The following RBFOX1 variants were observed in gnomAD, a reference collection of about 807,000 sequenced individuals.
RBFOX1 encodes the protein RNA binding fox-1 homolog 1.
Under a neutral mutation model 57.7 loss-of-function variants are expected in RBFOX1, and 8 were observed. The observed-to-expected ratio is 0.14, with a 90% confidence interval of 0.08 to 0.25. The LOEUF (loss-of-function observed/expected upper bound fraction) is 0.25, where lower values mean the gene tolerates loss of function less well. Among genes scored for constraint, RBFOX1 ranks in the 10% least tolerant of loss-of-function variants. The pLI is 1.00. For missense variants in RBFOX1, 611 were observed against 548.5 expected, an observed-to-expected ratio of 1.11 and a Z score of -1.14; for synonymous variants, 326 against 222.4, an observed-to-expected ratio of 1.47 and a Z score of -4.15.
chr16:7,337,780 G>A (rs897120100), intron 4 of RBFOX1, among the ~76,000 whole-genome samples: 1 of 152,098 alleles, frequency 6.6e-6, no homozygotes, highest in Admixed American at 6.6e-5. Flanking sequence ...CACCTCCCAG[G>A]TTCAAGCGAT....
intron 3 of RBFOX1, among the ~76,000 whole-genome samples, chr16:6,668,714 CTT>C (rs2098747245): frequency 6.6e-6 from 1 of 151,968 alleles, no homozygotes; most frequent in African/African-American, 2.4e-5. Flanking sequence ...TTTGTCATCT[CTT>C]TGAAATTTTG....
intron 1 of RBFOX1, among the ~76,000 whole-genome samples, chr16:6,255,794 A>G (rs2097657535): frequency 6.6e-6 from 1 of 152,122 alleles, no homozygotes; most frequent in African/African-American, 2.4e-5. Context: ...CACAGGAACA[A>G]AAAACGAAAC....
At position 5,278,340 on chromosome 16, in the gene RBFOX1, G is replaced by A. The variant is rs150009477; in HGVS notation, c.219+38235G>A. 6.8e-3 allele frequency among the ~76,000 whole-genome samples: 1,040 copies of A among 152,182 alleles called. 14 individuals are homozygous for A. The highest frequency in any genetic ancestry group is 0.024 in the African/African-American group (992 of 41,504). On this transcript the variant is annotated intron_variant, in intron 1 of 2. Coordinates refer to the RBFOX1 transcript ENST00000585867. ...CTATTTTTTGATAGTTTCTTTTGCT[G>A]TGCAGAAGCTCTTTCATTTAATTAG... is the stretch of plus-strand genomic sequence containing the variant.
At chr16:7,019,879 T>G (rs1374036584) in intron 3 of RBFOX1, among the ~76,000 whole-genome samples, 3 of 152,210 alleles carry the variant, frequency 2.0e-5, no homozygotes, top group African/African-American at 7.2e-5. Context: ...ACTGACATTT[T>G]TGCGTGTGTT....
At chr16:7,112,761 G>C (rs2065076770) in intron 4 of RBFOX1, among the ~76,000 whole-genome samples, 1 of 151,342 alleles carries the variant, frequency 6.6e-6, no homozygotes, top group African/African-American at 2.4e-5. Context: ...CAAGACTCAG[G>C]TTTGAGCTTC....
chr16:6,972,228 T>C (rs2085730443), intron 3 of RBFOX1, among the ~76,000 whole-genome samples: 1 of 152,106 alleles, frequency 6.6e-6, no homozygotes, highest in African/African-American at 2.4e-5. Context: ...AAACTCTGTA[T>C]CTATTAACTC....
intron 3 of RBFOX1, among the ~76,000 whole-genome samples, chr16:5,608,333 C>A (rs2047660369): frequency 6.6e-6 from 1 of 152,154 alleles, no homozygotes; most frequent in South Asian, 2.1e-4. Flanking sequence ...GCCGTCTGAG[C>A]AGTCATAGCA....
At chr16:7,368,863 C>G (rs965271738) in intron 4 of RBFOX1, among the ~76,000 whole-genome samples, 3 of 151,904 alleles carry the variant, frequency 2.0e-5, no homozygotes, top group Non-Finnish European at 2.9e-5. Context: ...GCAAGCCAGA[C>G]AGTTATCTTC....
At chr16:7,183,992 A>G (rs2083235750) in intron 4 of RBFOX1, among the ~76,000 whole-genome samples, 1 of 152,184 alleles carries the variant, frequency 6.6e-6, no homozygotes, top group African/African-American at 2.4e-5. Flanking sequence ...AAATAGGATG[A>G]TGTGAACTGA....
chr16:5,402,855 A>G (rs906476211), intron 1 of RBFOX1, among the ~76,000 whole-genome samples: 1 of 152,094 alleles, frequency 6.6e-6, no homozygotes, highest in Non-Finnish European at 1.5e-5. Flanking sequence ...TCCAATATAG[A>G]TATATTAAGT....
chr16:6,888,774 C>A (rs1427862071), intron 3 of RBFOX1, among the ~76,000 whole-genome samples: 1 of 152,100 alleles, frequency 6.6e-6, no homozygotes, highest in East Asian at 1.9e-4. Context: ...AAAAGATTAA[C>A]CGAAGAATTT....
intron 3 of RBFOX1, among the ~76,000 whole-genome samples, chr16:5,730,889 C>T (rs1267607794): frequency 1.3e-5 from 2 of 151,996 alleles, no homozygotes; most frequent in African/African-American, 2.4e-5. Flanking sequence ...TTATCATTGC[C>T]ACTGTCATCA....
At position 7,193,302 on chromosome 16, in the gene RBFOX1, G is replaced by A. The variant is rs148280598; in HGVS notation, c.27+141204G>A. On this transcript the variant is annotated intron_variant, in intron 4 of 15. Transcript: ENST00000550418. ...AGCCATGAGCCAAAAGCAGCAGGCT[G>A]CCGCTAGAGTCTAGAAAAGGCAAGA... is the stretch of plus-strand genomic sequence containing the variant. Among the ~76,000 whole-genome samples, 431 of 152,310 alleles carry A rather than the reference G, an allele frequency of 2.8e-3. 2 individuals are homozygous for A. Among genetic ancestry groups the A allele is most frequent in the African/African-American group, 8.2e-3 (340 of 41,578 alleles).
At chr16:6,626,821 C>T (rs931075442) in intron 2 of RBFOX1, among the ~76,000 whole-genome samples, 2 of 152,172 alleles carry the variant, frequency 1.3e-5, no homozygotes, top group Non-Finnish European at 2.9e-5. Context: ...AGTTTATCAC[C>T]AGTGAGGCTG....
intron 1 of RBFOX1, among the ~76,000 whole-genome samples, chr16:5,319,838 C>T (rs139986166): frequency 6.6e-6 from 1 of 152,302 alleles, no homozygotes; most frequent in Admixed American, 6.5e-5. Flanking sequence ...AACTCTGTGA[C>T]TACATCATGC....
intron 3 of RBFOX1, among the ~76,000 whole-genome samples, chr16:6,699,236 C>T (rs1301224384): frequency 3.3e-5 from 5 of 151,858 alleles, no homozygotes; most frequent in African/African-American, 9.7e-5. Flanking sequence ...CCACCTTAGC[C>T]TTGAACTCTC....
intron 3 of RBFOX1, among the ~76,000 whole-genome samples, chr16:5,668,100 G>A (rs544830010): frequency 3.3e-5 from 5 of 152,010 alleles, no homozygotes; most frequent in East Asian, 1.9e-4. Context: ...GATCAATATC[G>A]TGAAACTCTG....
chr16:5,720,236 C>T (rs2051878818), intron 3 of RBFOX1, among the ~76,000 whole-genome samples: 1 of 152,060 alleles, frequency 6.6e-6, no homozygotes, highest in Non-Finnish European at 1.5e-5. Flanking sequence ...GGAGACATGC[C>T]TGTTCAGATT....
chr16:6,974,322 AT>A (rs1195451535), intron 3 of RBFOX1, among the ~76,000 whole-genome samples: 1 of 108,202 alleles, frequency 9.2e-6, no homozygotes, highest in Admixed American at 1.1e-4. Flanking sequence ...TATAAATCAC[AT>A]TTTTTTCTTT....
Sources: gnomAD v4.1 joint callset for allele counts (sites outside exome capture counted in the v4.1 genomes callset) on GRCh38, gnomAD v4.1.1 for gene constraint, MANE v1.5 for transcripts, NCBI Gene and HGNC (gene_info 2026-07-23, HGNC 2026-07-21) for gene names.